STXBP5L: variants seen among roughly 807,000 people sequenced by gnomAD.
The protein encoded by STXBP5L is syntaxin-binding protein 5-like.
In STXBP5L, 65 loss-of-function variants were observed where a neutral mutation model predicts 144.5. The observed-to-expected ratio is 0.45, with a 90% CI of 0.37 to 0.55. STXBP5L has a LOEUF of 0.55. Ranked by LOEUF, STXBP5L falls within the 20% of genes least tolerant of loss-of-function variation. The pLI is 0.00. For missense variants in STXBP5L, 1,298 were observed against 1,405.5 expected (o/e 0.92, Z 1.22); for synonymous variants, 505 against 469.6 (o/e 1.08, Z -0.97).
chr3:121,036,387 T>C (rs1191911504), intron 3 of STXBP5L, among the ~76,000 whole-genome samples: 1 of 152,152 alleles, frequency 6.6e-6, no homozygotes, highest in African/African-American at 2.4e-5. Context: ...AGTAATATTT[T>C]ATGGCTTTCT....
chr3:120,988,011 C>G (rs997321155), intron 3 of STXBP5L, among the ~76,000 whole-genome samples: 3 of 150,456 alleles, frequency 2.0e-5, no homozygotes, highest in African/African-American at 4.9e-5. Flanking sequence ...TTGCCTTCAT[C>G]TTGGTTTAGT....
chr3:121,391,324 GT>G, intron 22 of STXBP5L, among the ~76,000 whole-genome samples: 1 of 152,100 alleles, frequency 6.6e-6, no homozygotes, highest in East Asian at 1.9e-4. Flanking sequence ...CTTGCAATGG[GT>G]TTGAGCATCC....
At chr3:121,049,501 TC>T in intron 5 of STXBP5L, 1 of 154,214 alleles carries the variant, frequency 6.5e-6, no homozygotes, top group Non-Finnish European at 1.5e-5. Flanking sequence ...CTGAGTACAC[TC>T]CCCAGCCTGA....
At chr3:121,073,391 A>G (rs898231721) in intron 5 of STXBP5L, among the ~76,000 whole-genome samples, 1 of 152,118 alleles carries the variant, frequency 6.6e-6, no homozygotes, top group Non-Finnish European at 1.5e-5. Flanking sequence ...CATGTGGGGC[A>G]CCCGAATTAT....
At chr3:121,356,102 G>C (rs562165990) in intron 20 of STXBP5L, among the ~76,000 whole-genome samples, 2 of 152,362 alleles carry the variant, frequency 1.3e-5, no homozygotes, top group African/African-American at 4.8e-5. Flanking sequence ...TGAGGTATCT[G>C]TCAGCCTCTA....
At chr3:120,975,575 G>A (rs74500734) in intron 3 of STXBP5L, among the ~76,000 whole-genome samples, 14,782 of 151,510 alleles carry the variant, frequency 0.098, 1,065 homozygotes, top group Admixed American at 0.2. Context: ...AACTTCCAAC[G>A]CTATGTTGAA....
chr3:121,032,876 CATCT>C (rs1946473924), intron 3 of STXBP5L, among the ~76,000 whole-genome samples: 1 of 56,962 alleles, frequency 1.8e-5, no homozygotes, highest in African/African-American at 7.1e-5. Flanking sequence ...TATGAGATAT[CATCT>C]CACATCAGTT....
At chr3:120,969,393 T>G (rs1170878290) in intron 3 of STXBP5L, among the ~76,000 whole-genome samples, 1 of 108,966 alleles carries the variant, frequency 9.2e-6, no homozygotes, top group Non-Finnish European at 2.2e-5. Context: ...TGGGATTATT[T>G]GTGTTTTTTT....
chr3:121,214,606 G>C (rs1304808641), intron 10 of STXBP5L, among the ~76,000 whole-genome samples: 1 of 152,040 alleles, frequency 6.6e-6, no homozygotes, highest in Non-Finnish European at 1.5e-5. Flanking sequence ...CATTTGCTGG[G>C]GAATGTTTTA....
chr3:120,953,361 T>C (rs1683979), intron 2 of STXBP5L, among the ~76,000 whole-genome samples: 32,926 of 145,012 alleles, frequency 0.23, 3,966 homozygotes, highest in Non-Finnish European at 0.26. Context: ...TGAGGTCTTG[T>C]TCTGTTGTTC....
intron 3 of STXBP5L, among the ~76,000 whole-genome samples, chr3:121,015,342 A>T (rs1185558360): frequency 6.6e-6 from 1 of 152,174 alleles, no homozygotes; most frequent in East Asian, 1.9e-4. Context: ...AAACAATAAG[A>T]TGTTGATCAG....
In STXBP5L at chr3:121,036,897, GTTATA is replaced by G. The variant is rs572053569; in HGVS notation, c.288-4796_288-4792del. Among the ~76,000 whole-genome samples the G allele has an allele frequency of 7.3e-5, 11 of 150,484 alleles. No individual in the cohort carries two copies. The South Asian group carries it at 2.3e-3, about 32-fold the overall frequency. On this transcript the variant is annotated intron_variant, in intron 3 of 26. Transcript: ENST00000471454. Reference sequence around the variant, plus strand: ...TGCATTCCTGGCATAAATCCCACTGGTTATATTATATAATTCTTTAAAAAATTTTA... The same window carrying G: ...TGCATTCCTGGCATAAATCCCACTGGTTATATAATTCTTTAAAAAATTTTA...
At chr3:121,216,559 T>G (rs1158435125) in intron 10 of STXBP5L, among the ~76,000 whole-genome samples, 1 of 152,128 alleles carries the variant, frequency 6.6e-6, no homozygotes, top group East Asian at 1.9e-4. Flanking sequence ...TCTGGAAGCT[T>G]CGTCTTAGAG....
intron 20 of STXBP5L, among the ~76,000 whole-genome samples, chr3:121,336,087 T>C (rs2044495280): frequency 6.6e-6 from 1 of 152,062 alleles, no homozygotes; most frequent in Non-Finnish European, 1.5e-5. Flanking sequence ...AACAACCCCA[T>C]TAAAATGTGG....
chr3:121,315,677 A>G (rs2043760702), intron 19 of STXBP5L, among the ~76,000 whole-genome samples: 1 of 152,102 alleles, frequency 6.6e-6, no homozygotes, highest in African/African-American at 2.4e-5. Flanking sequence ...AAAAAAAATC[A>G]GAATATGAAA....
chr3:120,924,396 G>A (rs544242010), intron 2 of STXBP5L, among the ~76,000 whole-genome samples: 1 of 152,064 alleles, frequency 6.6e-6, no homozygotes, highest in Non-Finnish European at 1.5e-5. Flanking sequence ...TGCAATAATA[G>A]AAATGAAATC....
chr3:120,949,104 G>A (rs192085981), intron 2 of STXBP5L, among the ~76,000 whole-genome samples: 1 of 151,778 alleles, frequency 6.6e-6, no homozygotes, highest in East Asian at 1.9e-4. Flanking sequence ...GGTCAGTCTT[G>A]CAGGAGTAAG....
chr3:120,929,934 G>C (rs1043995664), intron 2 of STXBP5L, among the ~76,000 whole-genome samples: 1 of 150,234 alleles, frequency 6.7e-6, no homozygotes, highest in Non-Finnish European at 1.5e-5. Context: ...CTATTTATTG[G>C]TTCCTAGTAA....
At chr3:121,298,349 A>G (rs1007037023) in intron 19 of STXBP5L, among the ~76,000 whole-genome samples, 1 of 152,232 alleles carries the variant, frequency 6.6e-6, no homozygotes, top group Admixed American at 6.5e-5. Context: ...AAAATTAAAC[A>G]TAAGACCTAA....
Sources: allele counts gnomAD v4.1 joint callset (sites outside exome capture counted in the v4.1 genomes callset), GRCh38; gene constraint gnomAD v4.1.1; transcripts MANE v1.5; gene names NCBI Gene and HGNC (gene_info 2026-07-23, HGNC 2026-07-21).